The following IPCEF1 variants were observed in gnomAD, a reference collection of about 807,000 sequenced individuals.
The protein encoded by IPCEF1 is interaction protein for cytohesin exchange factors 1.
A neutral mutation model predicts 50.9 loss-of-function variants in IPCEF1; 31 were observed. The observed-to-expected ratio is 0.61, with a 90% confidence interval of 0.46 to 0.82. The LOEUF (loss-of-function observed/expected upper bound fraction) is 0.82, where lower values mean the gene tolerates loss of function less well. Ranked by LOEUF, IPCEF1 falls within the 40% of genes least tolerant of loss-of-function variation. The pLI, the probability that IPCEF1 is intolerant of heterozygous loss-of-function variation, is 0.00. For synonymous variants in IPCEF1, 181 were observed against 192.0 expected (o/e 0.94, Z 0.47); for missense variants, 458 against 514.0 (o/e 0.89, Z 1.05).
At chr6:154,292,045 ATCACTGATGTCTGTT>A (rs1782529914) in intron 1 of IPCEF1, among the ~76,000 whole-genome samples, 2 of 152,234 alleles carry the variant, frequency 1.3e-5, no homozygotes, top group South Asian at 4.1e-4. Context: ...TTCCAATTGT[ATCACTGATGTCTGTT>A]TCAGTGTGGA....
intron 10 of IPCEF1, among the ~76,000 whole-genome samples, chr6:154,191,841 G>C (rs1159186420): frequency 6.6e-6 from 1 of 152,072 alleles, no homozygotes; most frequent in Non-Finnish European, 1.5e-5. Context: ...TGGAATGGAG[G>C]GGGTATATGT....
rs1798675430 is a variant in IPCEF1 at position 154,155,511 on chromosome 6, T to A, written c.*4317A>T. 1 of 152,222 alleles carries A rather than the reference T, an allele frequency of 6.6e-6. No individual in the cohort carries two copies. The allele number at this position is 152,222 out of a possible 1,614,324, so 9.4% of individuals were successfully genotyped here. ...TATGTGGCTATATCAAAATACTGTC[T>A]TTCGGCCAGGTGTGGTGGCTCACAC... On this transcript the variant is annotated 3_prime_UTR_variant, in exon 12 of 12. Coordinates refer to ENST00000367220, the MANE Select transcript of IPCEF1 (RefSeq NM_001130700.2).
chr6:154,308,534 G>A (rs1782995070), intron 1 of IPCEF1, among the ~76,000 whole-genome samples: 2 of 152,152 alleles, frequency 1.3e-5, no homozygotes, highest in South Asian at 4.1e-4. Context: ...GGCAATAGAG[G>A]TTTAACAGAG....
At chr6:154,259,855 C>T (rs983861290) in intron 3 of IPCEF1, among the ~76,000 whole-genome samples, 2 of 152,026 alleles carry the variant, frequency 1.3e-5, no homozygotes, top group Non-Finnish European at 2.9e-5. Flanking sequence ...CTGTTTTTGA[C>T]CCATGTGAAG....
intron 1 of IPCEF1, among the ~76,000 whole-genome samples, chr6:154,323,685 G>C (rs565581277): frequency 1.8e-4 from 27 of 152,190 alleles, no homozygotes; most frequent in Non-Finnish European, 3.4e-4. Context: ...GGGTGCAGTG[G>C]CTCACACCTG....
At chr6:154,196,807 G>A (rs1283721409) in intron 10 of IPCEF1, among the ~76,000 whole-genome samples, 1 of 152,164 alleles carries the variant, frequency 6.6e-6, no homozygotes, top group Non-Finnish European at 1.5e-5. Context: ...AACTCTCAGT[G>A]AAGAAAGGCA....
At chr6:154,270,000 G>T (rs1461728514) in intron 2 of IPCEF1, among the ~76,000 whole-genome samples, 1 of 152,116 alleles carries the variant, frequency 6.6e-6, no homozygotes, top group Non-Finnish European at 1.5e-5. Context: ...TCCTGGCAAA[G>T]GTGTTTTGAA....
chr6:154,208,414 T>C (rs150861664), intron 9 of IPCEF1, among the ~76,000 whole-genome samples: 3 of 152,284 alleles, frequency 2.0e-5, no homozygotes, highest in Non-Finnish European at 4.4e-5. Flanking sequence ...GCTCCTCTAT[T>C]CTTTGCCACA....
intron 10 of IPCEF1, among the ~76,000 whole-genome samples, chr6:154,185,208 G>A (rs978753566): frequency 2.0e-5 from 3 of 152,216 alleles, no homozygotes; most frequent in African/African-American, 7.2e-5. Context: ...CTAGCAAGGG[G>A]TCTCATGCCA....
chr6:154,347,850 T>C (rs879420245), intron 1 of IPCEF1, among the ~76,000 whole-genome samples: 2 of 152,198 alleles, frequency 1.3e-5, no homozygotes, highest in Non-Finnish European at 2.9e-5. Context: ...TGGTGCTCAA[T>C]GCCTGAAGTC....
At chr6:154,190,517 G>A (rs1801779373) in intron 10 of IPCEF1, among the ~76,000 whole-genome samples, 1 of 152,106 alleles carries the variant, frequency 6.6e-6, no homozygotes, top group South Asian at 2.1e-4. Context: ...ACCAAACGTT[G>A]GCAAGGATGT....
Position 154,154,718 on chromosome 6 carries a change from TA to T in IPCEF1, c.*5109del, listed in dbSNP as rs1317994836. On this transcript the variant is annotated 3_prime_UTR_variant, in exon 12 of 12. Coordinates refer to ENST00000367220, the MANE Select transcript of IPCEF1 (RefSeq NM_001130700.2). The stretch of plus-strand genomic sequence containing the variant: ...TTTTTTCATGTCATTTGCCTAGATA[TA>T]TTTTTTTCTTATTTTTATTTTTATC... The T allele has an allele frequency of 1.3e-5, 2 of 152,468 alleles. No homozygotes were observed. Among genetic ancestry groups the T allele is most frequent in the Admixed American group, 1.3e-4 (2 of 15,292 alleles). The allele number at this position is 152,468 out of a possible 1,614,324, so 9.4% of individuals were successfully genotyped here.
chr6:154,232,969 CTT>C (rs780567029), intron 5 of IPCEF1, among the ~76,000 whole-genome samples: 20 of 134,542 alleles, frequency 1.5e-4, no homozygotes, highest in Admixed American at 3.0e-4. Flanking sequence ...TTTTTCTTTT[CTT>C]TTTTTTTTTT....
At chr6:154,221,887 A>G (rs183950663) in intron 6 of IPCEF1, among the ~76,000 whole-genome samples, 76 of 152,284 alleles carry the variant, frequency 5.0e-4, no homozygotes, top group Admixed American at 9.8e-4. Context: ...AAACAAATAA[A>G]TAAATAAAAA....
chr6:154,172,827 C>T (rs139324194), intron 10 of IPCEF1, among the ~76,000 whole-genome samples: 315 of 152,356 alleles, frequency 2.1e-3, no homozygotes, highest in African/African-American at 6.9e-3. Flanking sequence ...GCACGGCATT[C>T]GATCTCTGAT....
intron 9 of IPCEF1, among the ~76,000 whole-genome samples, chr6:154,201,716 G>A (rs779849031): frequency 2.8e-4 from 42 of 152,014 alleles, no homozygotes; most frequent in African/African-American, 4.8e-4. Context: ...CCAACATGGC[G>A]AAACCCCGTC....
At position 154,157,895 on chromosome 6, in the gene IPCEF1, T is replaced by G. The variant is rs1719572056; in HGVS notation, c.*1933A>C. On this transcript the variant is annotated 3_prime_UTR_variant, in exon 12 of 12. Coordinates refer to ENST00000367220, the MANE Select transcript of IPCEF1 (RefSeq NM_001130700.2). ...CCTAAACCAGGGCATCAGGGTGCAA[T>G]CTGAGGATCTGAATGTTCTCTCTGT... The G allele has an allele frequency of 6.6e-6, 1 of 151,944 alleles. No homozygotes were observed. The highest frequency in any genetic ancestry group is 2.4e-5 in the African/African-American group (1 of 41,146). The allele number at this position is 151,944 out of a possible 1,614,324, so 9.4% of individuals were successfully genotyped here.
chr6:154,203,003 T>G (rs1378173088), intron 9 of IPCEF1, among the ~76,000 whole-genome samples: 1 of 151,920 alleles, frequency 6.6e-6, no homozygotes, highest in Non-Finnish European at 1.5e-5. Context: ...GAACCTGGAG[T>G]TTAATTTCCA....
Position 154,167,973 on chromosome 6 carries a change from G to A in IPCEF1, c.1051C>T (p.Pro351Ser), listed in dbSNP as rs1583689213. The change falls in exon 11 of 12, where the codon CCA becomes TCA. Residue 351 changes from proline (P) to serine (S), a missense_variant. By Grantham distance (74) the Pro-to-Ser change is moderately conservative (BLOSUM62 -1). Coordinates refer to ENST00000367220, the MANE Select transcript of IPCEF1 (RefSeq NM_001130700.2). ...TTGTGGAGTTTCTCGTTTATAGATGGATTTTTACACCGCTTAACAAAGGAT... is the reference window on the plus strand; with the variant it reads ...TTGTGGAGTTTCTCGTTTATAGATGAATTTTTACACCGCTTAACAAAGGAT... ...RKSFVKRCKN[P>S]SINEKLHKIR... 5 of 1,607,938 alleles carry A rather than the reference G, an allele frequency of 3.1e-6. No homozygotes were observed. The highest frequency in any genetic ancestry group is 4.3e-6 in the Non-Finnish European group (5 of 1,175,500).
Sources: gnomAD v4.1 joint callset for allele counts (sites outside exome capture counted in the v4.1 genomes callset) on GRCh38, gnomAD v4.1.1 for gene constraint, MANE v1.5 for transcripts, NCBI Gene and HGNC (gene_info 2026-07-23, HGNC 2026-07-21) for gene names.